Variants in CCDC171 observed in about 807,000 individuals in gnomAD.
CCDC171 encodes coiled-coil domain-containing protein 171.
CCDC171 carries 177 observed loss-of-function variants against 168.2 expected under a neutral mutation model. That is an observed-to-expected ratio of 1.05 (90% CI 0.93 to 1.19). The LOEUF (loss-of-function observed/expected upper bound fraction) is 1.19, where lower values mean the gene tolerates loss of function less well. CCDC171 is among the 50% of genes most tolerant of loss of function. CCDC171 has a pLI of 0.00. For synonymous variants in CCDC171, 687 were observed against 540.8 expected, an observed-to-expected ratio of 1.27 and a Z score of -3.75; for missense variants, 1,991 against 1,539.0, an observed-to-expected ratio of 1.29 and a Z score of -4.91.
intron 12 of CCDC171, among the ~76,000 whole-genome samples, 178 bp from the exon 13 acceptor site, chr9:15,723,503 A>G (rs2053615353): frequency 6.6e-6 from 1 of 152,240 alleles, no homozygotes; most frequent in Non-Finnish European, 1.5e-5. Context: ...GAAGCTATAT[A>G]GCATTTAACC....
intron 15 of CCDC171, among the ~76,000 whole-genome samples, chr9:15,728,288 G>A (rs1339332674): frequency 3.3e-5 from 5 of 152,078 alleles, no homozygotes; most frequent in African/African-American, 1.2e-4. Flanking sequence ...CTACTAGCCA[G>A]TATTAGCCAC....
intron 21 of CCDC171, among the ~76,000 whole-genome samples, chr9:15,786,998 G>A (rs1320490562): frequency 6.6e-6 from 1 of 152,086 alleles, no homozygotes; most frequent in Non-Finnish European, 1.5e-5. Context: ...TGAATAAACA[G>A]CCTTGTTGCT....
intron 11 of CCDC171, among the ~76,000 whole-genome samples, chr9:15,711,758 A>G (rs989289108): frequency 3.3e-5 from 5 of 152,230 alleles, no homozygotes; most frequent in African/African-American, 1.2e-4. Flanking sequence ...CTTTGGCACT[A>G]TTGTAAAGTT....
intron 3 of CCDC171, among the ~76,000 whole-genome samples, chr9:16,011,740 A>G (rs1280109133): frequency 6.6e-6 from 1 of 152,232 alleles, no homozygotes; most frequent in Non-Finnish European, 1.5e-5. Flanking sequence ...GCAAAATAAG[A>G]TATAGACGTT....
In CCDC171 at chr9:15,559,448, A is replaced by C. The variant is rs147838740; in HGVS notation, c.-111-4530A>C. ...GGGTGCATATATATTTAGGATAGTT[A>C]GCTCTTCTTGTTGAACTGATCCCTT... is the stretch of plus-strand genomic sequence containing the variant. On this transcript the variant is annotated intron_variant, in intron 1 of 25. Coordinates refer to ENST00000380701, the MANE Select transcript of CCDC171 (RefSeq NM_173550.4). Among the ~76,000 whole-genome samples the C allele has an allele frequency of 5.4e-3, 824 of 152,266 alleles. 7 individuals are homozygous for C. The highest frequency in any genetic ancestry group is 0.019 in the African/African-American group (785 of 41,558).
At chr9:15,912,202 G>C (rs1368280252) in intron 24 of CCDC171, among the ~76,000 whole-genome samples, 3 of 152,190 alleles carry the variant, frequency 2.0e-5, no homozygotes, top group Non-Finnish European at 4.4e-5. Flanking sequence ...TTTTCCATCT[G>C]TTTGTGTCCT....
intron 21 of CCDC171, among the ~76,000 whole-genome samples, chr9:15,839,542 A>G (rs1470468533): frequency 2.6e-5 from 4 of 152,192 alleles, no homozygotes; most frequent in Admixed American, 1.3e-4. Context: ...TGGTAATACT[A>G]TATACCTCAC....
chr9:15,698,555 T>C (rs1036796213), intron 11 of CCDC171, among the ~76,000 whole-genome samples: 6 of 151,580 alleles, frequency 4.0e-5, no homozygotes, highest in African/African-American at 1.5e-4. Flanking sequence ...ATAGGATATT[T>C]GTCTTTCAGT....
intron 18 of CCDC171, among the ~76,000 whole-genome samples, chr9:15,745,915 A>T (rs779460927): frequency 2.0e-5 from 3 of 152,100 alleles, no homozygotes; most frequent in Non-Finnish European, 2.9e-5. Flanking sequence ...CTTTTTATTA[A>T]GTAATACTGG....
chr9:15,592,782 T>C (rs1224225126), intron 5 of CCDC171, among the ~76,000 whole-genome samples: 1 of 152,178 alleles, frequency 6.6e-6, no homozygotes, highest in African/African-American at 2.4e-5. Flanking sequence ...AGCTTGCACC[T>C]GAAGGTAGAA....
rs1157314798 is a variant in CCDC171 at position 15,596,752 on chromosome 9, C to T, written c.675+2580C>T. 6.0e-3 allele frequency among the ~76,000 whole-genome samples: 906 copies of T among 151,804 alleles called. 12 individuals carry two copies. Among genetic ancestry groups the T allele is most frequent in the African/African-American group, 0.021 (852 of 41,396 alleles). ...ACCTTGGGCAGTATGGCCATTTTCACGATATTGATTCTTCCTACCCATGAG... is the reference window on the plus strand; with the variant it reads ...ACCTTGGGCAGTATGGCCATTTTCATGATATTGATTCTTCCTACCCATGAG... On this transcript the variant is annotated intron_variant, in intron 6 of 25. Transcript: ENST00000380701.
intron 3 of CCDC171, among the ~76,000 whole-genome samples, chr9:16,000,894 G>C (rs1282466128): frequency 6.6e-6 from 1 of 152,148 alleles, no homozygotes; most frequent in Non-Finnish European, 1.5e-5. Flanking sequence ...ATCTCGCAGA[G>C]TTACAGCCTT....
intron 1 of CCDC171, among the ~76,000 whole-genome samples, chr9:16,060,298 G>A (rs907500877): frequency 3.3e-5 from 5 of 152,184 alleles, no homozygotes; most frequent in Non-Finnish European, 7.3e-5. Context: ...TTTCTGAGTG[G>A]AGGTGAGGAA....
intron 1 of CCDC171, among the ~76,000 whole-genome samples, chr9:15,555,978 C>G (rs563405595): frequency 6.6e-6 from 1 of 152,102 alleles, no homozygotes. Context: ...ATGATGGTTT[C>G]TAGCTTTATC....
In CCDC171 at chr9:15,678,902, G is replaced by A; in HGVS notation, c.1215+6G>A. The A allele has an allele frequency of 6.4e-7, 1 of 1,568,688 alleles. No homozygotes were observed. The highest frequency in any genetic ancestry group is 8.6e-7 in the Non-Finnish European group (1 of 1,162,796). On this transcript the variant is annotated splice_donor_region_variant and intron_variant, in intron 10 of 25. Transcript: ENST00000380701. Reference sequence around the variant, plus strand: ...TACAGGAAGAACTAGTAATGGTAAGGATAAAAAAGAAAACCCTATGGAAAT... The same window carrying A: ...TACAGGAAGAACTAGTAATGGTAAGAATAAAAAAGAAAACCCTATGGAAAT...
At chr9:15,714,612 T>G (rs934366316) in intron 11 of CCDC171, among the ~76,000 whole-genome samples, 1 of 152,092 alleles carries the variant, frequency 6.6e-6, no homozygotes. Context: ...ACAGTTACCC[T>G]GTTAGATGGT....
intron 7 of CCDC171, among the ~76,000 whole-genome samples, chr9:15,628,020 A>G (rs1564083792): frequency 1.3e-5 from 2 of 151,950 alleles, no homozygotes; most frequent in Non-Finnish European, 2.9e-5. Flanking sequence ...TGATAAGGAA[A>G]TGTTAAAAGG....
At chr9:16,012,183 C>G (rs1229977746) in intron 3 of CCDC171, among the ~76,000 whole-genome samples, 1 of 152,178 alleles carries the variant, frequency 6.6e-6, no homozygotes, top group Non-Finnish European at 1.5e-5. Context: ...AGGAGTGTGT[C>G]TCATGTGTGG....
intron 6 of CCDC171, among the ~76,000 whole-genome samples, chr9:15,599,137 A>T (rs1290852962): frequency 6.6e-6 from 1 of 152,168 alleles, no homozygotes; most frequent in Non-Finnish European, 1.5e-5. Context: ...TGGAGCATTT[A>T]GCCCATTTAC....
Sources: allele counts gnomAD v4.1 joint callset (sites outside exome capture counted in the v4.1 genomes callset), GRCh38; gene constraint gnomAD v4.1.1; transcripts MANE v1.5; gene names NCBI Gene and HGNC (gene_info 2026-07-23, HGNC 2026-07-21).